Variants in PRPF18 observed in about 807,000 individuals in gnomAD.
PRPF18 encodes the protein pre-mRNA processing factor 18, also known as pre-mRNA-splicing factor 18.
Under a neutral mutation model 46.5 loss-of-function variants are expected in PRPF18, and 38 were observed. The observed-to-expected ratio is 0.82, with a 90% CI of 0.63 to 1.07. The LOEUF is 1.07. Among genes scored for constraint, PRPF18 ranks in the 50% least tolerant of loss-of-function variants. The probability of loss-of-function intolerance (pLI) is 0.00; values close to 1 mark genes in which losing one functional copy is unlikely to be tolerated. For synonymous variants in PRPF18, 152 were observed against 146.7 expected, an observed-to-expected ratio of 1.04 and a Z score of -0.26; for missense variants, 263 against 410.0, an observed-to-expected ratio of 0.64 and a Z score of 3.10.
the PRPF18 span, chr10:13,653,591 T>C: frequency 7.9e-5 from 12 of 152,210 alleles, no homozygotes; most frequent in African/African-American, 2.7e-4. Flanking sequence ...AGTTGTCAGG[T>C]TTTCCCAGAC....
In PRPF18 at chr10:13,586,997, GTA is replaced by G. The variant is rs1564446546; in HGVS notation, c.-87_-86del. The G allele has an allele frequency of 7.6e-7, 1 of 1,319,596 alleles. No homozygotes were observed. Among genetic ancestry groups the G allele is most frequent in the Non-Finnish European group, 1.1e-6 (1 of 912,692 alleles). 81.7% of individuals were successfully genotyped at this position (1,319,596 alleles called of 1,614,324 possible). A position where few individuals can be genotyped will look rare whatever the true frequency, so the allele number is the denominator to read the frequency against. Reference sequence around the variant, plus strand: ...CTCAGGTGTTTGGGCTTGTTGTTCCGTATACTCAGTGGGTTCGCGGCCGCCGG... The same window carrying G: ...CTCAGGTGTTTGGGCTTGTTGTTCCGTACTCAGTGGGTTCGCGGCCGCCGG... On this transcript the variant is annotated 5_prime_UTR_variant, in exon 1 of 10. Transcript: ENST00000378572.
At chr10:13,622,188 G>C (rs1222105462) in intron 9 of PRPF18, among the ~76,000 whole-genome samples, 1 of 150,916 alleles carries the variant, frequency 6.6e-6, no homozygotes, top group Non-Finnish European at 1.5e-5. Context: ...GTTGTTGCAT[G>C]ATGACAGCTG....
chr10:13,616,165 C>T (rs1019000415), intron 8 of PRPF18, among the ~76,000 whole-genome samples: 1 of 152,172 alleles, frequency 6.6e-6, no homozygotes, highest in African/African-American at 2.4e-5. Context: ...TTTTTACTCA[C>T]AACCTAGCTT....
At chr10:13,632,485 T>A (rs930945758), downstream of PRPF18, 1 of 152,228 alleles carries the variant, frequency 6.6e-6, no homozygotes, top group African/African-American at 2.4e-5. Context: ...ACTCTCCGAG[T>A]TACTTTTTCT....
chr10:13,603,854 A>C (rs1040151005), intron 3 of PRPF18, among the ~76,000 whole-genome samples: 1 of 152,230 alleles, frequency 6.6e-6, no homozygotes, highest in African/African-American at 2.4e-5. Context: ...AGAAACCATC[A>C]TATGAAGATG....
At chr10:13,595,455 A>G (rs2080020380) in intron 1 of PRPF18, among the ~76,000 whole-genome samples, 1 of 152,236 alleles carries the variant, frequency 6.6e-6, no homozygotes, top group Non-Finnish European at 1.5e-5. Context: ...CTTATTTGAA[A>G]TATGACAATT....
intron 1 of PRPF18, among the ~76,000 whole-genome samples, chr10:13,594,277 A>G (rs2094205): frequency 0.18 from 27,531 of 152,242 alleles, 2,642 homozygotes; most frequent in South Asian, 0.28. Context: ...AACCTCTGGC[A>G]TAGTAGTTGG....
chr10:13,634,425 G>A (rs1473263032), downstream of PRPF18, among the ~76,000 whole-genome samples: 3 of 152,234 alleles, frequency 2.0e-5, no homozygotes, highest in Non-Finnish European at 4.4e-5. Flanking sequence ...CTTTCACTGA[G>A]CTTCAGGCCG....
rs1181698004 is a variant in PRPF18 at position 13,616,258 on chromosome 10, A to G, written c.793-140A>G. 1.2e-5 allele frequency: 10 copies of G among 815,632 alleles called. No homozygotes were observed. The African/African-American group carries it at 1.7e-4, about 14-fold the overall frequency. 50.5% of individuals were successfully genotyped at this position (815,632 alleles called of 1,614,324 possible). ...GTATTTTAATCTGTTTTGTTTGAAT[A>G]ACAGTCATGGTAATATTTTCCATGT... is the stretch of plus-strand genomic sequence containing the variant. On this transcript the variant is annotated intron_variant, in intron 8 of 9. Transcript: ENST00000378572.
chr10:13,655,049 C>T, the PRPF18 span: 29 of 155,772 alleles, frequency 1.9e-4, no homozygotes, highest in African/African-American at 4.8e-4. Context: ...TACTGTAGGG[C>T]GCTTTGAAGG....
chr10:13,597,646 C>T, intron 2 of PRPF18, 111 bp downstream of exon 2: 2 of 1,604,120 alleles, frequency 1.2e-6, no homozygotes, highest in Non-Finnish European at 1.7e-6. Flanking sequence ...ATACGTTAGC[C>T]TATAAATGAG....
At chr10:13,591,097 T>C (rs1256724635) in intron 1 of PRPF18, among the ~76,000 whole-genome samples, 1 of 152,220 alleles carries the variant, frequency 6.6e-6, no homozygotes, top group Non-Finnish European at 1.5e-5. Context: ...CCAGCCGGGA[T>C]AGATCTCAAG....
At chr10:13,646,365 T>C in the PRPF18 span, 1 of 152,614 alleles carries the variant, frequency 6.6e-6, no homozygotes. Context: ...CTGATTGTGG[T>C]CCTCCGATGC....
intron 9 of PRPF18, among the ~76,000 whole-genome samples, chr10:13,619,430 G>A (rs1012745610): frequency 1.3e-5 from 2 of 152,218 alleles, no homozygotes; most frequent in African/African-American, 4.8e-5. Context: ...GGTGGGAGAT[G>A]GAGGAAGACA....
At chr10:13,600,689 A>G (rs1199980684) in intron 3 of PRPF18, among the ~76,000 whole-genome samples, 2 of 151,378 alleles carry the variant, frequency 1.3e-5, no homozygotes, top group African/African-American at 2.4e-5. Flanking sequence ...ATTTAATAAT[A>G]CGTCTTTCCA....
At chr10:13,655,672 G>C in the PRPF18 span, 1 of 152,106 alleles carries the variant, frequency 6.6e-6, no homozygotes, top group Non-Finnish European at 1.5e-5. Flanking sequence ...CCCCAAAGAT[G>C]AACCCCCCAT....
intron 1 of PRPF18, chr10:13,592,088 C>T (rs1190785314): frequency 1.7e-6 from 1 of 586,488 alleles, no homozygotes; most frequent in Non-Finnish European, 3.1e-6. Context: ...TCTTTTCAAC[C>T]TCGTACTTAG....
chr10:13,634,977 C>G (rs975957973), downstream of PRPF18, among the ~76,000 whole-genome samples: 3 of 152,052 alleles, frequency 2.0e-5, no homozygotes, highest in African/African-American at 7.3e-5. Context: ...GTTTGCTGCA[C>G]ACATCATCCT....
At chr10:13,654,174 A>T in the PRPF18 span, 1 of 571,164 alleles carries the variant, frequency 1.8e-6, no homozygotes, top group East Asian at 3.0e-5. Flanking sequence ...CCATCTCCCC[A>T]CATCCCAAGG....
Sources: gnomAD v4.1 joint callset for allele counts (sites outside exome capture counted in the v4.1 genomes callset) on GRCh38, gnomAD v4.1.1 for gene constraint, MANE v1.5 for transcripts, NCBI Gene and HGNC (gene_info 2026-07-23, HGNC 2026-07-21) for gene names.